MARCHF10: variants seen among roughly 807,000 people sequenced by gnomAD.
MARCHF10 encodes membrane associated ring-CH-type finger 10.
A neutral mutation model predicts 76.2 loss-of-function variants in MARCHF10; 64 were observed. The ratio of observed to expected loss-of-function variants is 0.84; its 90% CI spans 0.69 to 1.03. The LOEUF (loss-of-function observed/expected upper bound fraction) is 1.03, where lower values mean the gene tolerates loss of function less well. Ranked by LOEUF, MARCHF10 falls within the 50% of genes least tolerant of loss-of-function variation. The pLI is 0.00. For synonymous variants in MARCHF10, 340 were observed against 357.5 expected, an observed-to-expected ratio of 0.95 and a Z score of 0.55; for missense variants, 875 against 958.0, an observed-to-expected ratio of 0.91 and a Z score of 1.14.
At chr17:62,744,338 T>C (rs1433794673) in intron 5 of MARCHF10, 38 bp downstream of exon 5, 1 of 1,587,692 alleles carries the variant, frequency 6.3e-7, no homozygotes, top group East Asian at 2.2e-5. Flanking sequence ...TCAGTCCTCC[T>C]CTCCAAGGAC....
At chr17:62,788,432 C>T (rs1211463515) in intron 3 of MARCHF10, 48 bp downstream of exon 3, 2 of 1,586,612 alleles carry the variant, frequency 1.3e-6, no homozygotes, top group Non-Finnish European at 1.7e-6. Context: ...CCACCACCAC[C>T]AGCAGCAGCA....
At chr17:62,803,704 C>G (rs992310423) in intron 1 of MARCHF10, among the ~76,000 whole-genome samples, 1 of 152,006 alleles carries the variant, frequency 6.6e-6, no homozygotes, top group Non-Finnish European at 1.5e-5. Flanking sequence ...TTAGTAGAGG[C>G]GAGGTTTCAC....
chr17:62,711,352 T>C lies in MARCHF10; in HGVS notation c.2215-8A>G, dbSNP rs1331546032. On this transcript the variant is annotated splice_polypyrimidine_tract_variant and splice_region_variant and intron_variant, in intron 8 of 10. Coordinates refer to ENST00000311269, the MANE Select transcript of MARCHF10 (RefSeq NM_152598.4). This position sits in a 1 kb window ranked among gnomAD's most constrained non-coding sequence, Gnocchi z 4.4. Reference sequence around the variant, plus strand: ...CATCAGCTCGTTTTGTGCCTACAAATGGAAAAGAAAGCTCTTCAGTTCATC... The same window carrying C: ...CATCAGCTCGTTTTGTGCCTACAAACGGAAAAGAAAGCTCTTCAGTTCATC... 2 of 1,613,290 alleles carry C rather than the reference T, an allele frequency of 1.2e-6. No homozygotes were observed. Among genetic ancestry groups the C allele is most frequent in the Middle Eastern group, 1.6e-4 (1 of 6,062 alleles).
chr17:62,720,930 C>G (rs908201295), intron 8 of MARCHF10, among the ~76,000 whole-genome samples: 3 of 135,550 alleles, frequency 2.2e-5, no homozygotes, highest in Middle Eastern at 4.3e-3. Context: ...TGCAGTGGTG[C>G]GATCTCGGCT....
chr17:62,765,980 GC>G (rs1328353554), intron 3 of MARCHF10, among the ~76,000 whole-genome samples: 1 of 150,712 alleles, frequency 6.6e-6, no homozygotes, highest in African/African-American at 2.5e-5. Flanking sequence ...AGGCACTTGA[GC>G]CCAGGAGTTT....
intron 3 of MARCHF10, among the ~76,000 whole-genome samples, chr17:62,782,808 C>G (rs1250994952): frequency 6.6e-6 from 1 of 152,058 alleles, no homozygotes; most frequent in Non-Finnish European, 1.5e-5. Context: ...AAGGATTGAG[C>G]CAGGCAGGAT....
At chr17:62,805,103 T>C (rs1011899434) in intron 1 of MARCHF10, 5 of 152,224 alleles carry the variant, frequency 3.3e-5, no homozygotes, top group Admixed American at 2.0e-4. Flanking sequence ...CTCTGGAGTA[T>C]GGAAAGTTGG....
At chr17:62,789,225 C>T (rs111738225) in intron 2 of MARCHF10, among the ~76,000 whole-genome samples, 181 of 152,296 alleles carry the variant, frequency 1.2e-3, no homozygotes, top group Non-Finnish European at 1.8e-3. Flanking sequence ...TTGTGAATTT[C>T]TCTTTCTGGT....
intron 7 of MARCHF10, among the ~76,000 whole-genome samples, chr17:62,724,470 G>A (rs933906124): frequency 4.6e-5 from 7 of 152,088 alleles, no homozygotes; most frequent in Non-Finnish European, 1.5e-5. Context: ...TTTCTTAGGT[G>A]ACCCCCAAAT....
chr17:62,789,461 C>T (rs989341297), intron 2 of MARCHF10, among the ~76,000 whole-genome samples: 27 of 152,092 alleles, frequency 1.8e-4, no homozygotes, highest in Non-Finnish European at 1.3e-4. Context: ...TTCTCCAGGC[C>T]GAATTAATTG....
At chr17:62,745,061 C>T (rs920907219) in intron 4 of MARCHF10, among the ~76,000 whole-genome samples, 6 of 150,348 alleles carry the variant, frequency 4.0e-5, no homozygotes, top group Admixed American at 3.3e-4. Context: ...ATGCAGAGGC[C>T]GAAGGTAGGG....
intron 4 of MARCHF10, among the ~76,000 whole-genome samples, chr17:62,752,618 C>G (rs948901247): frequency 6.9e-6 from 1 of 144,204 alleles, no homozygotes. Flanking sequence ...AGCCCACTCC[C>G]TCTTCCTATT....
In MARCHF10 at chr17:62,711,962, C is replaced by CT. The variant is rs1175406712; in HGVS notation, c.2215-619dup. The stretch of plus-strand genomic sequence containing the variant: ...GCTTTCTCTTGAGGAGTGGGCTGTG[C>CT]TTTTTTTCTCGCTGGTGCTCAGAAC... On this transcript the variant is annotated intron_variant, in intron 8 of 10. Transcript: ENST00000311269. This position sits in a 1 kb window ranked among gnomAD's most constrained non-coding sequence, Gnocchi z 4.4. 9.8e-5 allele frequency among the ~76,000 whole-genome samples: 15 copies of CT among 152,302 alleles called. No homozygotes were observed. The highest frequency in any genetic ancestry group is 3.1e-4 in the African/African-American group (13 of 41,570).
At chr17:62,709,962 G>A (rs942697343) in intron 9 of MARCHF10, among the ~76,000 whole-genome samples, 1 of 152,206 alleles carries the variant, frequency 6.6e-6, no homozygotes, top group Non-Finnish European at 1.5e-5. Flanking sequence ...ATGTGAGCTT[G>A]TGGTGAGAGA....
intron 6 of MARCHF10, among the ~76,000 whole-genome samples, chr17:62,729,049 C>T (rs980519618): frequency 2.6e-5 from 4 of 152,172 alleles, no homozygotes; most frequent in Non-Finnish European, 5.9e-5. Flanking sequence ...AAGTGATCCT[C>T]CTGCCTCAGC....
intron 9 of MARCHF10, among the ~76,000 whole-genome samples, chr17:62,709,775 G>T (rs1467260444): frequency 6.6e-6 from 1 of 152,026 alleles, no homozygotes. Flanking sequence ...TTTTAAACAG[G>T]GTCTCACTCT....
intron 7 of MARCHF10, among the ~76,000 whole-genome samples, chr17:62,724,186 A>ATTTTTTTTTTTTTTTTTTTT (rs11462196): frequency 7.2e-6 from 1 of 138,294 alleles, no homozygotes. Context: ...TGTTCCATGC[A>ATTTTTTTTTTTTTTTTTTTT]TTTTTTTTTT....
intron 10 of MARCHF10, chr17:62,705,133 G>A: frequency 8.7e-7 from 1 of 1,148,422 alleles, no homozygotes. Context: ...GGTCCCTTCA[G>A]GTAAGGGCCA....
Position 62,705,536 on chromosome 17 carries a change from T to G in MARCHF10, c.2371+3A>C. ...AATGGCAGGACTGGCCCCCAAAACC[T>G]ACTTTCATTTTCCTCTGTTCTGGGT... On this transcript the variant is annotated splice_donor_region_variant and intron_variant, in intron 10 of 10. Transcript: ENST00000311269. The G allele has an allele frequency of 6.2e-7, 1 of 1,614,200 alleles. No homozygotes were observed. The highest frequency in any genetic ancestry group is 8.5e-7 in the Non-Finnish European group (1 of 1,180,022).
Sources: allele counts gnomAD v4.1 joint callset (sites outside exome capture counted in the v4.1 genomes callset), GRCh38; gene constraint gnomAD v4.1.1; non-coding constraint Gnocchi (gnomAD v3.1); transcripts MANE v1.5; gene names NCBI Gene and HGNC (gene_info 2026-07-23, HGNC 2026-07-21).